GALNT13: variants seen among roughly 807,000 people sequenced by gnomAD.
GALNT13 encodes the protein UDP-GalNAc:polypeptide N-acetylgalactosaminyltransferase 13.
A neutral mutation model predicts 64.2 loss-of-function variants in GALNT13; 28 were observed. That is an observed-to-expected ratio of 0.44 (90% CI 0.32 to 0.60). GALNT13 has a LOEUF of 0.60. Ranked by LOEUF, GALNT13 falls within the 20% of genes least tolerant of loss-of-function variation. GALNT13 has a pLI of 0.05. For missense variants in GALNT13, 577 were observed against 669.8 expected (o/e 0.86, Z 1.53); for synonymous variants, 214 against 224.6 (o/e 0.95, Z 0.42).
At chr2:154,394,705 G>A (rs1441463129) in intron 9 of GALNT13, among the ~76,000 whole-genome samples, 3 of 151,960 alleles carry the variant, frequency 2.0e-5, no homozygotes, top group South Asian at 2.1e-4. Flanking sequence ...GTTGCATTCC[G>A]GATTGGAAGT....
At chr2:153,558,453 C>T in the GALNT13 span, among the ~76,000 whole-genome samples, 1 of 152,114 alleles carries the variant, frequency 6.6e-6, no homozygotes, top group Non-Finnish European at 1.5e-5. Context: ...CAGCGGTATC[C>T]CACATATCTT....
At chr2:153,201,347 G>C in the GALNT13 span, among the ~76,000 whole-genome samples, 1 of 152,144 alleles carries the variant, frequency 6.6e-6, no homozygotes, top group African/African-American at 2.4e-5. Context: ...TTCTGACAAC[G>C]TGTCCAAAAG....
At chr2:153,722,376 C>T in the GALNT13 span, among the ~76,000 whole-genome samples, 168 of 135,342 alleles carry the variant, frequency 1.2e-3, no homozygotes, top group African/African-American at 5.0e-3. Flanking sequence ...AAATTGACAC[C>T]CTAACATCAC....
the GALNT13 span, among the ~76,000 whole-genome samples, chr2:153,190,355 A>G: frequency 1.3e-5 from 2 of 152,018 alleles, no homozygotes; most frequent in Admixed American, 6.6e-5. Flanking sequence ...TCCCTAAAGT[A>G]TGCTCTTGGC....
intron 1 of GALNT13, among the ~76,000 whole-genome samples, chr2:153,897,292 C>G (rs563046253): frequency 6.6e-6 from 1 of 152,178 alleles, no homozygotes; most frequent in South Asian, 2.1e-4. Context: ...TGGAACATTT[C>G]CTCAGTCTAA....
At chr2:153,493,763 A>G in the GALNT13 span, among the ~76,000 whole-genome samples, 2 of 152,044 alleles carry the variant, frequency 1.3e-5, no homozygotes, top group East Asian at 3.8e-4. Flanking sequence ...ATCAAAGCCA[A>G]CAATGTATGA....
intron 3 of GALNT13, among the ~76,000 whole-genome samples, chr2:154,056,207 CAA>C (rs760749289): frequency 2.0e-4 from 30 of 152,114 alleles, no homozygotes; most frequent in Admixed American, 7.2e-4. Flanking sequence ...GCATTTCAAC[CAA>C]AAGTCAATAT....
At chr2:154,154,359 G>C (rs1052321486) in intron 4 of GALNT13, among the ~76,000 whole-genome samples, 1 of 152,192 alleles carries the variant, frequency 6.6e-6, no homozygotes, top group African/African-American at 2.4e-5. Context: ...CAATTAGAAA[G>C]TTGTTAACTA....
chr2:153,833,370 G>C, the GALNT13 span, among the ~76,000 whole-genome samples: 64 of 152,176 alleles, frequency 4.2e-4, no homozygotes, highest in African/African-American at 1.5e-3. Context: ...AGGTTGCTAA[G>C]ATCTACAGTA....
chr2:153,892,416 T>C (rs1687613579), intron 1 of GALNT13, among the ~76,000 whole-genome samples: 1 of 152,042 alleles, frequency 6.6e-6, no homozygotes, highest in South Asian at 2.1e-4. Flanking sequence ...ATAAAAATCA[T>C]GGGTCCAAGA....
chr2:154,398,709 C>T (rs1292918676), intron 10 of GALNT13, among the ~76,000 whole-genome samples: 3 of 152,164 alleles, frequency 2.0e-5, no homozygotes, highest in Admixed American at 2.0e-4. Flanking sequence ...TAAGTATCCT[C>T]TCTACTACCT....
the GALNT13 span, among the ~76,000 whole-genome samples, chr2:153,453,809 A>C: frequency 1.3e-5 from 2 of 152,202 alleles, no homozygotes; most frequent in Non-Finnish European, 2.9e-5. Flanking sequence ...GAAAAGACAC[A>C]TGCACTCATA....
the GALNT13 span, among the ~76,000 whole-genome samples, chr2:153,382,622 T>C: frequency 6.6e-6 from 1 of 152,140 alleles, no homozygotes; most frequent in Admixed American, 6.6e-5. Context: ...CATTTTTGCT[T>C]AGCAATAGAG....
chr2:153,223,619 AT>A, the GALNT13 span, among the ~76,000 whole-genome samples: 7 of 152,312 alleles, frequency 4.6e-5, no homozygotes, highest in Admixed American at 4.6e-4. Context: ...AATTAAAAAA[AT>A]ATGTTCAACT....
chr2:154,391,376 C>T (rs1698783932), intron 9 of GALNT13, among the ~76,000 whole-genome samples: 1 of 152,130 alleles, frequency 6.6e-6, no homozygotes, highest in African/African-American at 2.4e-5. Context: ...CTGGACTGAG[C>T]AAAAGCAGGA....
the GALNT13 span, chr2:153,421,126 G>A: frequency 7.7e-6 from 2 of 260,462 alleles, no homozygotes; most frequent in Non-Finnish European, 8.1e-6. Flanking sequence ...TGGTTGCCTG[G>A]CTCAAAGTGA....
the GALNT13 span, among the ~76,000 whole-genome samples, chr2:153,148,758 A>G: frequency 6.6e-6 from 1 of 151,916 alleles, no homozygotes; most frequent in Non-Finnish European, 1.5e-5. Context: ...GATCAACAGA[A>G]TGTTATTTCT....
intron 3 of GALNT13, among the ~76,000 whole-genome samples, chr2:154,068,512 C>G (rs1017810418): frequency 4.7e-5 from 7 of 150,372 alleles, no homozygotes; most frequent in Admixed American, 6.7e-5. Context: ...TATATATACA[C>G]AAAGGAGTAA....
Position 153,944,499 on chromosome 2 carries a change from TGAG to T in GALNT13, c.6_8del (p.Arg3?), listed in dbSNP as rs778955885. On this transcript the variant is annotated start_lost and inframe_deletion, in exon 3 of 13. Coordinates refer to ENST00000392825, the MANE Select transcript of GALNT13 (RefSeq NM_052917.4). The stretch of plus-strand genomic sequence containing the variant: ...GTTAACTAGAAATCAAGGAAAGACA[TGAG>T]GAGATTTGTCTACTGCAAGGTGGTT... 438 of 1,612,310 alleles carry T rather than the reference TGAG, an allele frequency of 2.7e-4. No homozygotes were observed. The highest frequency in any genetic ancestry group is 3.5e-4 in the Non-Finnish European group (410 of 1,179,122).
Sources: allele counts gnomAD v4.1 joint callset (sites outside exome capture counted in the v4.1 genomes callset), GRCh38; gene constraint gnomAD v4.1.1; transcripts MANE v1.5; gene names NCBI Gene and HGNC (gene_info 2026-07-23, HGNC 2026-07-21).